RSRP1: variants seen among roughly 807,000 people sequenced by gnomAD.
RSRP1 encodes the protein arginine/serine-rich protein 1.
In RSRP1, 37 loss-of-function variants were observed where a neutral mutation model predicts 33.0. That is an observed-to-expected ratio of 1.12 (90% confidence interval 0.86 to 1.48). The LOEUF (loss-of-function observed/expected upper bound fraction) is 1.48, where lower values mean the gene tolerates loss of function less well. Among genes scored for constraint, RSRP1 ranks in the 40% most tolerant of loss-of-function variants. The pLI, the probability that RSRP1 is intolerant of heterozygous loss-of-function variation, is 0.00. For synonymous variants in RSRP1, 167 were observed against 158.7 expected (o/e 1.05, Z -0.40); for missense variants, 402 against 385.3 (o/e 1.04, Z -0.36).
Position 25,242,401 on chromosome 1 carries a change from C to T in RSRP1, c.*188G>A, listed in dbSNP as rs1272661493. The T allele has an allele frequency of 3.0e-5, 14 of 470,326 alleles. No individual in the cohort carries two copies. Among genetic ancestry groups the T allele is most frequent in the Non-Finnish European group, 5.0e-5 (13 of 260,024 alleles). 29.1% of individuals were successfully genotyped at this position (470,326 alleles called of 1,614,324 possible). ...GTGCATAACCTTTGGTCCATCTGTG[C>T]TATCTCTCATATCTGCAAGAGAAAC... On this transcript the variant is annotated 3_prime_UTR_variant, in exon 5 of 5. Transcript: ENST00000243189.
Position 25,242,533 on chromosome 1 carries a change from A to G in RSRP1, c.*56T>C, listed in dbSNP as rs892162421. On this transcript the variant is annotated 3_prime_UTR_variant, in exon 5 of 5. Coordinates refer to ENST00000243189, the MANE Select transcript of RSRP1 (RefSeq NM_020317.5). ...AAAGGGATGGGATAATGCTAGAAAC[A>G]CTAACTTGCAATAAAGTGCAGTTTT... The G allele has an allele frequency of 9.2e-7, 1 of 1,087,786 alleles. No individual in the cohort carries two copies. Among genetic ancestry groups the G allele is most frequent in the Non-Finnish European group, 1.4e-6 (1 of 721,894 alleles). 67.4% of individuals were successfully genotyped at this position (1,087,786 alleles called of 1,614,324 possible). A position where few individuals can be genotyped will look rare whatever the true frequency, so the allele number is the denominator to read the frequency against.
chr1:25,247,090 A>C, intron 1 of RSRP1, 61 bp from the exon 2 acceptor site: 7 of 1,066,730 alleles, frequency 6.6e-6, no homozygotes, highest in Non-Finnish European at 9.0e-6. Context: ...GGCCACCCGG[A>C]AGCCACAGTC....
At chr1:25,310,928 G>A (rs143857655) in intron 1 of RSRP1, among the ~76,000 whole-genome samples, 1,625 of 127,082 alleles carry the variant, frequency 0.013, 196 homozygotes, top group African/African-American at 0.04. Flanking sequence ...AGCTGAGATC[G>A]TGCTATTGCA....
chr1:25,257,267 A>G (rs1447481497), intron 1 of RSRP1, among the ~76,000 whole-genome samples: 1 of 152,182 alleles, frequency 6.6e-6, no homozygotes, highest in Non-Finnish European at 1.5e-5. Flanking sequence ...TAATTAAATA[A>G]TTAAGGTTTT....
In RSRP1 at chr1:25,294,602, T is replaced by C. The variant is rs1642783221; in HGVS notation, c.-67+43376A>G. ...TTCGCAGCAACAGAGCTCGGCCTCC[T>C]TGGGCACCGCAAACGGCACTCAGCC... On this transcript the variant is annotated intron_variant, in intron 1 of 1. Transcript: ENST00000561867. 10 of 964,382 alleles carry C rather than the reference T, an allele frequency of 1.0e-5. 2 individuals carry two copies. The highest frequency in any genetic ancestry group is 2.6e-5 in the South Asian group (2 of 76,062). 59.7% of individuals were successfully genotyped at this position (964,382 alleles called of 1,614,324 possible).
chr1:25,248,937 T>TC (rs1161328521), upstream of RSRP1, among the ~76,000 whole-genome samples: 2 of 152,042 alleles, frequency 1.3e-5, no homozygotes, highest in African/African-American at 4.8e-5. Context: ...TCACCTAAGA[T>TC]CAGGAGTTCG....
At chr1:25,245,606 G>C (rs1639310163) in intron 2 of RSRP1, among the ~76,000 whole-genome samples, 1 of 152,160 alleles carries the variant, frequency 6.6e-6, no homozygotes, top group Non-Finnish European at 1.5e-5. Flanking sequence ...AGTGAACAGA[G>C]GGACAACTGT....
At chr1:25,323,503 C>T (rs1644824670) in intron 1 of RSRP1, among the ~76,000 whole-genome samples, 1 of 126,188 alleles carries the variant, frequency 7.9e-6, no homozygotes. Context: ...CCGCCACCCA[C>T]ACCGTAATGC....
chr1:25,285,705 C>T (rs1418281040), intron 1 of RSRP1, among the ~76,000 whole-genome samples: 1 of 135,280 alleles, frequency 7.4e-6, no homozygotes, highest in Non-Finnish European at 1.8e-5. Flanking sequence ...GATTACACAT[C>T]AAGCTATACA....
At position 25,293,350 on chromosome 1, in the gene RSRP1, CT is replaced by C. The variant is rs1278720414; in HGVS notation, c.-67+44627del. 4.5e-3 allele frequency among the ~76,000 whole-genome samples: 503 copies of C among 112,008 alleles called. 44 individuals are homozygous for C. Among genetic ancestry groups the C allele is most frequent in the Admixed American group, 3.7e-3 (43 of 11,570 alleles). The allele number at this position is 112,008 out of a possible 152,430, so 73.5% of individuals were successfully genotyped here. On this transcript the variant is annotated intron_variant, in intron 1 of 1. Transcript: ENST00000561867. Reference sequence around the variant, plus strand: ...TTAGGCCGATGCAGGGACAGTTCATCTTTTTTTTTTTTTTATACAACATTTT... The same window carrying C: ...TTAGGCCGATGCAGGGACAGTTCATCTTTTTTTTTTTTTATACAACATTTT...
intron 3 of RSRP1, chr1:25,243,969 G>A (rs1639125193): frequency 1.7e-6 from 2 of 1,147,550 alleles, no homozygotes; most frequent in Non-Finnish European, 2.2e-6. Context: ...TTGCCAGTTA[G>A]GCACCTAATC....
chr1:25,299,819 A>T (rs1557538811), intron 1 of RSRP1, among the ~76,000 whole-genome samples: 1 of 131,488 alleles, frequency 7.6e-6, no homozygotes, highest in Non-Finnish European at 1.8e-5. Context: ...GCGACATCTC[A>T]GCTCACTATA....
intron 1 of RSRP1, chr1:25,301,044 G>A: frequency 1.5e-6 from 2 of 1,377,384 alleles, no homozygotes; most frequent in East Asian, 4.5e-5. Context: ...CCGAGGGAAC[G>A]GAGGATAAAG....
At chr1:25,246,108 AAAAG>A (rs1639364128) in intron 2 of RSRP1, 1 of 259,804 alleles carries the variant, frequency 3.8e-6, no homozygotes. Flanking sequence ...AATGTCAACT[AAAAG>A]AAGGCGTGTT....
rs369913758 is a variant in RSRP1, at chr1:25,315,743, G to T, written c.-67+22235C>A. 4.1e-4 allele frequency among the ~76,000 whole-genome samples: 53 copies of T among 129,968 alleles called. 10 individuals carry two copies. Among genetic ancestry groups the T allele is most frequent in the African/African-American group, 1.4e-3 (52 of 37,846 alleles). The allele number at this position is 129,968 out of a possible 152,430, so 85.3% of individuals were successfully genotyped here. ...CATCTCCTGACCTCATGATCTGCCC[G>T]CCTCGGCCTCCCAAAGTGTGGGGAT... On this transcript the variant is annotated intron_variant, in intron 1 of 1. Coordinates refer to the RSRP1 transcript ENST00000561867.
intron 1 of RSRP1, chr1:25,330,229 C>T (rs1257058360): frequency 1.5e-5 from 2 of 132,842 alleles, no homozygotes; most frequent in East Asian, 1.9e-4. Flanking sequence ...AATGAATAAG[C>T]GGTTTTCTTA....
At position 25,296,242 on chromosome 1, in the gene RSRP1, T is replaced by G. The variant is rs554261306; in HGVS notation, c.-67+41736A>C. Among the ~76,000 whole-genome samples, 12 of 125,840 alleles carry G rather than the reference T, an allele frequency of 9.5e-5. 4 individuals carry two copies. The highest frequency in any genetic ancestry group is 2.0e-4 in the Non-Finnish European group (11 of 53,792). 82.6% of individuals were successfully genotyped at this position (125,840 alleles called of 152,430 possible). A position where few individuals can be genotyped will look rare whatever the true frequency, so the allele number is the denominator to read the frequency against. The stretch of plus-strand genomic sequence containing the variant: ...ACCCCTAAATACTTCAGTGTACATT[T>G]CTTTTTTTTTTTTTCTTTGAGACAG... On this transcript the variant is annotated intron_variant, in intron 1 of 1. Coordinates refer to the RSRP1 transcript ENST00000561867.
rs186331727 is a variant in RSRP1 at position 25,258,818 on chromosome 1, T to A, written c.-66-11789A>T. On this transcript the variant is annotated intron_variant, in intron 1 of 1. Transcript: ENST00000561867. ...TTAAAAAAAAACTGCATTTGTACTC[T>A]TATAAGAAGTTTGGCATCATAGGAG... Among the ~76,000 whole-genome samples the A allele has an allele frequency of 2.0e-3, 301 of 152,340 alleles. 1 individual carries two copies. The highest frequency in any genetic ancestry group is 6.5e-3 in the African/African-American group (272 of 41,568).
rs770260524 is a variant in RSRP1, at chr1:25,242,577, A to G, written c.*12T>C. On this transcript the variant is annotated 3_prime_UTR_variant, in exon 5 of 5. Transcript: ENST00000243189. ...CAGTTTTCATGCAAACTTAGCCATCAGTTTTCTTCTTTTAGATAGGTATCC... is the reference window on the plus strand; with the variant it reads ...CAGTTTTCATGCAAACTTAGCCATCGGTTTTCTTCTTTTAGATAGGTATCC... 1.3e-6 allele frequency: 2 copies of G among 1,495,138 alleles called. No individual in the cohort carries two copies. The highest frequency in any genetic ancestry group is 1.4e-5 in the African/African-American group (1 of 71,502). The allele number at this position is 1,495,138 out of a possible 1,614,324, so 92.6% of individuals were successfully genotyped here. A position where few individuals can be genotyped will look rare whatever the true frequency, so the allele number is the denominator to read the frequency against.
Sources: gnomAD v4.1 joint callset for allele counts (sites outside exome capture counted in the v4.1 genomes callset) on GRCh38, gnomAD v4.1.1 for gene constraint, MANE v1.5 for transcripts, NCBI Gene and HGNC (gene_info 2026-07-23, HGNC 2026-07-21) for gene names.